Variants in CD109 observed in about 807,000 individuals in gnomAD.
The protein encoded by CD109 is CD109 antigen.
Under a neutral mutation model 165.8 loss-of-function variants are expected in CD109, and 149 were observed. The observed-to-expected ratio is 0.90, with a 90% CI of 0.79 to 1.03. CD109 has a LOEUF of 1.03. Ranked by LOEUF, CD109 falls within the 50% of genes least tolerant of loss-of-function variation. The pLI is 0.00. For missense variants in CD109, 1,712 were observed against 1,677.8 expected (o/e 1.02, Z -0.36); for synonymous variants, 585 against 592.1 (o/e 0.99, Z 0.18).
At chr6:73,770,357 C>G (rs77507153) in intron 14 of CD109, among the ~76,000 whole-genome samples, 1 of 152,182 alleles carries the variant, frequency 6.6e-6, no homozygotes, top group Non-Finnish European at 1.5e-5. Flanking sequence ...TTTGTAAAGT[C>G]GAGTCAACTT....
At chr6:73,728,983 T>C (rs943290267) in intron 3 of CD109, among the ~76,000 whole-genome samples, 7 of 152,232 alleles carry the variant, frequency 4.6e-5, no homozygotes, top group African/African-American at 1.7e-4. Context: ...AATCAAGATA[T>C]CAGCTAGGGC....
rs545029876 is a variant in CD109 at position 73,741,968 on chromosome 6, G to A, written c.633+5460G>A. Among the ~76,000 whole-genome samples, 107 of 152,278 alleles carry A rather than the reference G, an allele frequency of 7.0e-4. 1 individual carries two copies. Among genetic ancestry groups the A allele is most frequent in the African/African-American group, 2.5e-3 (102 of 41,552 alleles). On this transcript the variant is annotated intron_variant, in intron 5 of 32. Coordinates refer to ENST00000287097, the MANE Select transcript of CD109 (RefSeq NM_133493.5). Reference sequence around the variant, plus strand: ...TTACAGGCATGAGCCACTGTGCCTGGCCTGCAAATGGTTTTTCCCTCCATT... The same window carrying A: ...TTACAGGCATGAGCCACTGTGCCTGACCTGCAAATGGTTTTTCCCTCCATT...
intron 3 of CD109, among the ~76,000 whole-genome samples, chr6:73,730,089 G>A (rs1772302595): frequency 6.6e-6 from 1 of 152,174 alleles, no homozygotes; most frequent in East Asian, 1.9e-4. Flanking sequence ...AAATGGCAAG[G>A]TGACTCCTGC....
Position 73,697,437 on chromosome 6 carries a change from C to A in CD109, c.112C>A (p.Pro38Thr), listed in dbSNP as rs761659243. 5.0e-6 allele frequency: 8 copies of A among 1,613,954 alleles called. No homozygotes were observed. The highest frequency in any genetic ancestry group is 1.7e-5 in the Admixed American group (1 of 60,000). The change falls in exon 2 of 33, where the codon CCC becomes ACC. Residue 38 changes from proline to threonine, a missense_variant. Pro to Thr is a conservative substitution (Grantham distance 38). Coordinates refer to ENST00000287097, the MANE Select transcript of CD109 (RefSeq NM_133493.5). ...GGTGACAGCCCCAGGGATCATCAGG[C>A]CCGGAGGAAATGTGACTATTGGGGT... is the stretch of plus-strand genomic sequence containing the variant. ...FLVTAPGIIR[P>T]GGNVTIGVEL...
intron 10 of CD109, among the ~76,000 whole-genome samples, chr6:73,765,499 G>A (rs1279313280): frequency 6.6e-6 from 1 of 152,162 alleles, no homozygotes; most frequent in African/African-American, 2.4e-5. Flanking sequence ...CAGGTAACTG[G>A]AGGTGTTGGG....
intron 25 of CD109, among the ~76,000 whole-genome samples, 158 bp downstream of exon 25, chr6:73,807,230 T>C (rs1336135178): frequency 6.6e-6 from 1 of 152,184 alleles, no homozygotes; most frequent in Non-Finnish European, 1.5e-5. Flanking sequence ...TGTGGCCATG[T>C]TCCAAAATCT....
intron 23 of CD109, among the ~76,000 whole-genome samples, chr6:73,802,691 C>A: frequency 6.8e-6 from 1 of 147,898 alleles, no homozygotes. Context: ...TGGGATATCA[C>A]AGGCTTTTTT....
chr6:73,798,619 C>T (rs1289955433), intron 23 of CD109, among the ~76,000 whole-genome samples: 7 of 152,182 alleles, frequency 4.6e-5, no homozygotes, highest in East Asian at 1.9e-4. Flanking sequence ...TTTGGATTCT[C>T]GGTGTTATCT....
chr6:73,732,404 G>C (rs1369238687), intron 4 of CD109, among the ~76,000 whole-genome samples: 1 of 152,196 alleles, frequency 6.6e-6, no homozygotes, highest in Admixed American at 6.5e-5. Flanking sequence ...AATTGAACTA[G>C]CATTATTTCA....
chr6:73,801,081 G>T (rs1258315108), intron 23 of CD109, among the ~76,000 whole-genome samples: 2 of 152,232 alleles, frequency 1.3e-5, no homozygotes, highest in Admixed American at 6.5e-5. Context: ...AGCTTTCCAT[G>T]TAAAAGGTAC....
intron 4 of CD109, among the ~76,000 whole-genome samples, chr6:73,733,738 A>G (rs1047269742): frequency 1.3e-5 from 2 of 152,204 alleles, no homozygotes; most frequent in Non-Finnish European, 2.9e-5. Context: ...AGTGGTGGCT[A>G]ACTCAGAACC....
intron 18 of CD109, among the ~76,000 whole-genome samples, chr6:73,782,964 A>G (rs992880624): frequency 6.6e-6 from 1 of 152,100 alleles, no homozygotes. Flanking sequence ...GGTCTCATCA[A>G]TGAGAAGATA....
intron 5 of CD109, among the ~76,000 whole-genome samples, chr6:73,750,380 A>C (rs1274176454): frequency 2.0e-5 from 3 of 152,136 alleles, no homozygotes; most frequent in Non-Finnish European, 4.4e-5. Flanking sequence ...AGTTTTGGGA[A>C]GAGAAAAGCA....
intron 2 of CD109, among the ~76,000 whole-genome samples, chr6:73,717,710 C>G (rs1472191079): frequency 6.7e-6 from 1 of 149,064 alleles, no homozygotes; most frequent in Non-Finnish European, 1.5e-5. Flanking sequence ...AACTCCGCCT[C>G]CCGGGTTCAG....
rs1314196884 is a variant in CD109 at position 73,758,968 on chromosome 6, T to A, written c.698T>A (p.Leu233Ter). 6 of 1,604,996 alleles carry A rather than the reference T, an allele frequency of 3.7e-6. No individual in the cohort carries two copies. The African/African-American group carries it at 8.0e-5, about 21-fold the overall frequency. ...EYVLPKFEVTLQTPLYCSMNS... is the reference protein window; with the variant it reads ...EYVLPKFEVT Reference sequence around the variant, plus strand: ...GTATTACCAAAATTTGAAGTGACTTTGCAGACACCATTATATTGTTCTATG... The same window carrying A: ...GTATTACCAAAATTTGAAGTGACTTAGCAGACACCATTATATTGTTCTATG... Residue 233 changes from leucine to a stop codon, truncating the protein, a stop_gained, in exon 7 of 33, where the codon TTG (leucine) becomes TAG (stop). Transcript: ENST00000287097. LOFTEE classifies it high-confidence loss of function.
At chr6:73,821,221 CG>C (rs1312756928) in intron 32 of CD109, among the ~76,000 whole-genome samples, 4 of 152,034 alleles carry the variant, frequency 2.6e-5, no homozygotes, top group Non-Finnish European at 4.4e-5. Context: ...GACGAGTTAA[CG>C]GGTGCAGCAC....
In CD109 at chr6:73,710,059, C is replaced by G. The variant is rs564468211; in HGVS notation, c.247+12487C>G. On this transcript the variant is annotated intron_variant, in intron 2 of 32. Coordinates refer to ENST00000287097, the MANE Select transcript of CD109 (RefSeq NM_133493.5). The stretch of plus-strand genomic sequence containing the variant: ...GACAGGGATGTCCTCTCTCACCACT[C>G]CTATTCAACATAGTGTTGGAGGTTC... 7.2e-5 allele frequency among the ~76,000 whole-genome samples: 11 copies of G among 152,256 alleles called. No homozygotes were observed. In the South Asian group the frequency reaches 2.3e-3, roughly 32 times the overall value.
intron 7 of CD109, among the ~76,000 whole-genome samples, chr6:73,760,171 G>A (rs1773559049): frequency 6.6e-6 from 1 of 152,072 alleles, no homozygotes; most frequent in Non-Finnish European, 1.5e-5. Flanking sequence ...ACTTTGGGAG[G>A]CCGAGGCGGG....
chr6:73,757,607 T>G (rs1284468146), intron 6 of CD109, among the ~76,000 whole-genome samples: 1 of 152,254 alleles, frequency 6.6e-6, no homozygotes, highest in Non-Finnish European at 1.5e-5. Flanking sequence ...TTGCCATGTG[T>G]GGCTGTTGAG....
Sources: allele counts gnomAD v4.1 joint callset (sites outside exome capture counted in the v4.1 genomes callset), GRCh38; gene constraint gnomAD v4.1.1; transcripts MANE v1.5; gene names NCBI Gene and HGNC (gene_info 2026-07-23, HGNC 2026-07-21).